Variants in FANCA observed in about 807,000 individuals in gnomAD.
The protein encoded by FANCA is FA complementation group A.
A neutral mutation model predicts 194.3 loss-of-function variants in FANCA; 236 were observed. That is an observed-to-expected ratio of 1.21 (90% CI 1.09 to 1.35). The LOEUF is 1.35. Among genes scored for constraint, FANCA ranks in the 40% most tolerant of loss-of-function variants. The pLI is 0.00. For missense variants in FANCA, 2,628 were observed against 1,813.9 expected (o/e 1.45, Z -8.15); for synonymous variants, 1,014 against 715.8 (o/e 1.42, Z -6.65).
intron 6 of FANCA, among the ~76,000 whole-genome samples, chr16:89,805,870 A>T (rs2040621272): frequency 6.6e-6 from 1 of 151,682 alleles, no homozygotes; most frequent in South Asian, 2.1e-4. Flanking sequence ...ATTTTGAATG[A>T]TTTCAGCCCT....
Position 89,758,662 on chromosome 16 carries a change from CAG to C in FANCA, c.2894_2895del (p.Pro965ArgfsTer9). 1.2e-6 allele frequency: 2 copies of C among 1,614,052 alleles called. No individual in the cohort carries two copies. The highest frequency in any genetic ancestry group is 1.7e-6 in the Non-Finnish European group (2 of 1,179,938). On this transcript the variant is annotated frameshift_variant, in exon 30 of 43. Transcript: ENST00000389301. LOFTEE classifies it high-confidence loss of function. ...HQWAIHEHFL[P>X]ESSASGGCDG... The stretch of plus-strand genomic sequence containing the variant: ...TCACAGCCCCCTGAAGCCGAGGACT[CAG>C]GGAGAAAGTGCTCATGGATCGCCCA...
At chr16:89,757,843 T>C (rs1598090142) in intron 30 of FANCA, among the ~76,000 whole-genome samples, 1 of 152,216 alleles carries the variant, frequency 6.6e-6, no homozygotes, top group Admixed American at 6.5e-5. Flanking sequence ...TCACCTTGAA[T>C]ACCAGGTGAC....
Position 89,739,509 on chromosome 16 carries a change from G to A in FANCA, c.3979C>T (p.His1327Tyr), listed in dbSNP as rs2151712845. ...RLLLRVAPDQ[H>Y]TRLLPFAFYS... is the part of the protein sequence containing the mutation. ...AAAGCGAAAGGCAGCAGCCTGGTGT[G>A]CTGATCCGGGGCCACACGGAGGAGG... Residue 1327 changes from histidine to tyrosine, a missense_variant, in exon 40 of 43, where the codon CAC (histidine) becomes TAC (tyrosine). Physicochemically the swap from His to Tyr is moderately conservative, Grantham distance 83 (BLOSUM62 2). Transcript: ENST00000389301. 1.3e-6 allele frequency: 2 copies of A among 1,551,410 alleles called. No homozygotes were observed. The highest frequency in any genetic ancestry group is 1.7e-6 in the Non-Finnish European group (2 of 1,147,140).
chr16:89,790,286 C>T (rs71396963), intron 14 of FANCA, among the ~76,000 whole-genome samples: 2,181 of 151,684 alleles, frequency 0.014, 43 homozygotes, highest in South Asian at 0.096. Flanking sequence ...CCCAGCTACT[C>T]GGGAGGCGGA....
chr16:89,816,094 C>A (rs1431218579), intron 1 of FANCA, 108 bp from the exon 2 acceptor site: 1 of 812,864 alleles, frequency 1.2e-6, no homozygotes, highest in South Asian at 1.4e-5. Flanking sequence ...GACACCCTCC[C>A]GAAGAGGGGC....
chr16:89,769,038 G>A (rs1353022456), intron 26 of FANCA, among the ~76,000 whole-genome samples: 2 of 152,192 alleles, frequency 1.3e-5, no homozygotes, highest in African/African-American at 4.8e-5. Flanking sequence ...TGAGGTGTGG[G>A]ATCCGCACAG....
intron 26 of FANCA, among the ~76,000 whole-genome samples, chr16:89,769,095 T>C (rs529747772): frequency 6.6e-6 from 1 of 152,314 alleles, no homozygotes; most frequent in Non-Finnish European, 1.5e-5. Context: ...TTCTTGCGCC[T>C]CTTCTAAGTT....
Position 89,782,849 on chromosome 16 carries a change from G to A in FANCA, c.1626+10C>T. 1.9e-6 allele frequency: 3 copies of A among 1,612,968 alleles called. No individual in the cohort carries two copies. In the South Asian group the frequency reaches 3.3e-5, roughly 18 times the overall value. ...CTGGCTGAGACCCTGCAGGGCTCAA[G>A]CAACATTACCTCAGTAATGTCCCCA... On this transcript the variant is annotated intron_variant, in intron 17 of 42. Coordinates refer to ENST00000389301, the MANE Select transcript of FANCA (RefSeq NM_000135.4).
intron 8 of FANCA, 31 bp from the exon 9 acceptor site, chr16:89,799,669 G>C (rs915439871): frequency 5.1e-6 from 8 of 1,580,220 alleles, no homozygotes; most frequent in Non-Finnish European, 7.0e-6. Context: ...TTACCATCTT[G>C]GTAATCTTCT....
intron 15 of FANCA, 71 bp from the exon 16 acceptor site, chr16:89,783,173 C>A: frequency 1.8e-6 from 2 of 1,133,852 alleles, no homozygotes; most frequent in South Asian, 2.5e-5. Flanking sequence ...GGCCACAATT[C>A]ACTTCCAACA....
rs976586387 is a variant in FANCA at position 89,769,885 on chromosome 16, T to A, written c.2456A>T (p.Asp819Val). The A allele has an allele frequency of 2.5e-6, 4 of 1,613,944 alleles. No individual in the cohort carries two copies. Among genetic ancestry groups the A allele is most frequent in the Non-Finnish European group, 3.4e-6 (4 of 1,180,032 alleles). ...GAGLPVPALF[D>V]SLLTCRTRDS... ...CCTCGTCCTACAGGTCAGGAGGCTG[T>A]CAAAGAGCGCAGGGACAGGAAGGCC... is the stretch of plus-strand genomic sequence containing the variant. The change falls in exon 26 of 43, where the codon GAC becomes GTC. Residue 819 changes from aspartate (D) to valine (V), a missense_variant. By Grantham distance (152) the Asp-to-Val change is radical. Transcript: ENST00000389301.
Position 89,810,734 on chromosome 16 carries a change from G to C in FANCA, c.495C>G (p.Ser165=), listed in dbSNP as rs1372581483. ...GTATTTTCCATAATTCTTGACAGAAGGAAAGACGGGAGAACATACTGTGTG... is the reference window on the plus strand; with the variant it reads ...GTATTTTCCATAATTCTTGACAGAACGAAAGACGGGAGAACATACTGTGTG... ...LLAHSMFSRL[S]FCQELWKIQS... Residue 165 remains serine (S), a synonymous_variant, in exon 5 of 43, where the codon TCC becomes TCG. Coordinates refer to ENST00000389301, the MANE Select transcript of FANCA (RefSeq NM_000135.4). 1 of 1,611,804 alleles carries C rather than the reference G, an allele frequency of 6.2e-7. No homozygotes were observed.
intron 30 of FANCA, among the ~76,000 whole-genome samples, chr16:89,757,726 A>G (rs1319924481): frequency 6.6e-6 from 1 of 152,186 alleles, no homozygotes; most frequent in East Asian, 1.9e-4. Flanking sequence ...CTTCTGGCCC[A>G]CATGCAACAC....
intron 6 of FANCA, 78 bp downstream of exon 6, chr16:89,808,216 G>T: frequency 7.2e-7 from 1 of 1,386,212 alleles, no homozygotes; most frequent in Non-Finnish European, 1.0e-6. Context: ...AAACCCGTCT[G>T]ATTCTGGGCT....
chr16:89,752,129 C>G lies in FANCA; in HGVS notation c.3066+9G>C. ...TGAATGCACTGAGTTGTGGCACCCT[C>G]AAACTCACCTGCAATCTGGAAATAA... On this transcript the variant is annotated intron_variant, in intron 31 of 42. Coordinates refer to ENST00000389301, the MANE Select transcript of FANCA (RefSeq NM_000135.4). 6.2e-7 allele frequency: 1 copy of G among 1,613,148 alleles called. No individual in the cohort carries two copies. Among genetic ancestry groups the G allele is most frequent in the Non-Finnish European group, 8.5e-7 (1 of 1,179,106 alleles).
In FANCA at chr16:89,770,560, T is replaced by C. The variant is rs1476298863; in HGVS notation, c.2222+4A>G. 4.4e-6 allele frequency: 7 copies of C among 1,606,246 alleles called. No homozygotes were observed. Among genetic ancestry groups the C allele is most frequent in the Non-Finnish European group, 5.1e-6 (6 of 1,176,532 alleles). On this transcript the variant is annotated splice_donor_region_variant and intron_variant, in intron 24 of 42. Transcript: ENST00000389301. ...ACCACTCAGGGAGCTGCCCGCGCCT[T>C]CACCTCTCCGGGGGAGCGACACTGG...
rs895779354 is a variant in FANCA at position 89,742,885 on chromosome 16, G to T, written c.3680C>A (p.Ala1227Asp). ...SPAPNPDWLS[A>D]AALHFAIQQV... Reference sequence around the variant, plus strand: ...TTGAATCGCAAAGTGCAGTGCAGCAGCTGAGAGCCAGTCCGGGTTGGGTGC... The same window carrying T: ...TTGAATCGCAAAGTGCAGTGCAGCATCTGAGAGCCAGTCCGGGTTGGGTGC... The change falls in exon 37 of 43, where the codon GCT (alanine) becomes GAT (aspartate). Residue 1227 changes from alanine (A) to aspartate (D), a missense_variant. Coordinates refer to ENST00000389301, the MANE Select transcript of FANCA (RefSeq NM_000135.4). The T allele has an allele frequency of 1.9e-6, 3 of 1,614,186 alleles. No homozygotes were observed. The highest frequency in any genetic ancestry group is 2.5e-6 in the Non-Finnish European group (3 of 1,180,038).
intron 34 of FANCA, 48 bp from the exon 35 acceptor site, chr16:89,746,736 A>G: frequency 6.2e-7 from 1 of 1,604,758 alleles, no homozygotes; most frequent in Non-Finnish European, 8.5e-7. Context: ...GAGGACCCAC[A>G]ACTAGTAGAG....
rs999187194 is a variant in FANCA, at chr16:89,791,790, C to A, written c.1225+137G>T. On this transcript the variant is annotated intron_variant, in intron 13 of 42. Transcript: ENST00000389301. ...AAGCGTCTGACAAAGAATGTTCCAT[C>A]GACAGGAGGCACTGCAGGTTCCGGG... 34 of 1,156,644 alleles carry A rather than the reference C, an allele frequency of 2.9e-5. No individual in the cohort carries two copies. The African/African-American group carries it at 5.0e-4, about 17-fold the overall frequency. 71.6% of individuals were successfully genotyped at this position (1,156,644 alleles called of 1,614,324 possible).
Sources: allele counts gnomAD v4.1 joint callset (sites outside exome capture counted in the v4.1 genomes callset), GRCh38; gene constraint gnomAD v4.1.1; transcripts MANE v1.5; gene names NCBI Gene and HGNC (gene_info 2026-07-23, HGNC 2026-07-21).